The following CCSER2 variants were observed in gnomAD, a reference collection of about 807,000 sequenced individuals.
CCSER2 encodes the protein coiled-coil serine rich protein 2.
In CCSER2, 46 loss-of-function variants were observed where a neutral mutation model predicts 92.3. The observed-to-expected ratio is 0.50, with a 90% CI of 0.39 to 0.64. The LOEUF (loss-of-function observed/expected upper bound fraction) is 0.64. Among genes scored for constraint, CCSER2 ranks in the 30% least tolerant of loss-of-function variants. The pLI, the probability that CCSER2 is intolerant of heterozygous loss-of-function variation, is 0.00. For synonymous variants in CCSER2, 433 were observed against 431.4 expected (o/e 1.00, Z -0.04); for missense variants, 1,244 against 1,238.9 (o/e 1.00, Z -0.06).
intron 9 of CCSER2, among the ~76,000 whole-genome samples, chr10:84,502,655 GCCACCA>G (rs1848825278): frequency 6.6e-6 from 1 of 152,106 alleles, no homozygotes; most frequent in Non-Finnish European, 1.5e-5. Context: ...ACAGGCGTGA[GCCACCA>G]CGCTCGGCCT....
intron 9 of CCSER2, among the ~76,000 whole-genome samples, chr10:84,479,505 G>A (rs566046471): frequency 2.0e-5 from 3 of 152,282 alleles, no homozygotes; most frequent in African/African-American, 4.8e-5. Flanking sequence ...GAATCAACAG[G>A]AAATAAGAGG....
At chr10:84,407,275 T>G (rs1388286729) in intron 3 of CCSER2, among the ~76,000 whole-genome samples, 1 of 152,220 alleles carries the variant, frequency 6.6e-6, no homozygotes, top group East Asian at 1.9e-4. Flanking sequence ...TGGTTTTGCT[T>G]CCATTATTGT....
intron 3 of CCSER2, among the ~76,000 whole-genome samples, chr10:84,401,479 C>T (rs2133315562): frequency 6.6e-6 from 1 of 152,242 alleles, no homozygotes; most frequent in African/African-American, 2.4e-5. Context: ...AACTACTAAA[C>T]TTCACCCAAG....
At chr10:84,448,630 T>A (rs1215593315) in intron 6 of CCSER2, among the ~76,000 whole-genome samples, 1 of 152,230 alleles carries the variant, frequency 6.6e-6, no homozygotes, top group African/African-American at 2.4e-5. Context: ...CCATTTTAAG[T>A]GTACAGTTTG....
At chr10:84,443,922 C>T (rs1273986938) in intron 6 of CCSER2, among the ~76,000 whole-genome samples, 2 of 151,846 alleles carry the variant, frequency 1.3e-5, no homozygotes, top group African/African-American at 4.8e-5. Flanking sequence ...TGTTCTTACT[C>T]ATAAGTGGGA....
chr10:84,424,011 C>CCATGGCGG, intron 4 of CCSER2, among the ~76,000 whole-genome samples: 1 of 149,120 alleles, frequency 6.7e-6, no homozygotes, highest in Middle Eastern at 3.3e-3. Flanking sequence ...AAAAGACTCT[C>CCATGGCGG]CATGGCGGCT....
intron 3 of CCSER2, among the ~76,000 whole-genome samples, chr10:84,393,316 A>G (rs528081550): frequency 8.7e-4 from 132 of 152,298 alleles, no homozygotes; most frequent in African/African-American, 3.1e-3. Flanking sequence ...TCATGATTCT[A>G]TCAAAACTTC....
At chr10:84,454,149 C>T (rs929605986) in intron 6 of CCSER2, among the ~76,000 whole-genome samples, 5 of 152,128 alleles carry the variant, frequency 3.3e-5, no homozygotes, top group African/African-American at 4.8e-5. Context: ...GAGAAACTTG[C>T]GTTTCTTCTA....
intron 9 of CCSER2, among the ~76,000 whole-genome samples, chr10:84,494,564 A>G (rs1848343419): frequency 6.6e-6 from 1 of 152,004 alleles, no homozygotes. Context: ...AAATGCTTCT[A>G]TTTCCCCCTC....
chr10:84,351,709 A>G (rs1201251123), intron 1 of CCSER2, among the ~76,000 whole-genome samples: 2 of 152,206 alleles, frequency 1.3e-5, no homozygotes, highest in Admixed American at 1.3e-4. Flanking sequence ...AATTAGTTTA[A>G]TAAGAAAGGA....
intron 5 of CCSER2, among the ~76,000 whole-genome samples, chr10:84,437,710 GT>G (rs769780704): frequency 1.0e-3 from 129 of 126,820 alleles, no homozygotes; most frequent in South Asian, 3.4e-3. Flanking sequence ...TTTTAGAGTA[GT>G]TTTTTTTTTT....
chr10:84,495,174 G>GT (rs1848381116), intron 9 of CCSER2, among the ~76,000 whole-genome samples: 1 of 140,144 alleles, frequency 7.1e-6, no homozygotes, highest in Admixed American at 7.7e-5. Flanking sequence ...AGTTTGATAT[G>GT]GTTTTTTTTT....
intron 3 of CCSER2, among the ~76,000 whole-genome samples, chr10:84,414,830 G>C (rs183477670): frequency 1.3e-5 from 2 of 152,130 alleles, no homozygotes; most frequent in East Asian, 3.9e-4. Flanking sequence ...ATTTTTCAGA[G>C]GTTTTGTTCA....
At chr10:84,488,198 T>G (rs1847924652) in intron 9 of CCSER2, among the ~76,000 whole-genome samples, 1 of 152,198 alleles carries the variant, frequency 6.6e-6, no homozygotes, top group Admixed American at 6.5e-5. Context: ...GGTCTAAAAT[T>G]CTCTTTTTTT....
intron 1 of CCSER2, among the ~76,000 whole-genome samples, chr10:84,364,014 A>G (rs901124411): frequency 4.6e-5 from 7 of 152,234 alleles, no homozygotes; most frequent in East Asian, 1.9e-4. Flanking sequence ...TTGTAACACA[A>G]TGGTAAGGAA....
At chr10:84,413,718 G>T (rs1842763194) in intron 3 of CCSER2, among the ~76,000 whole-genome samples, 1 of 152,242 alleles carries the variant, frequency 6.6e-6, no homozygotes, top group South Asian at 2.1e-4. Context: ...CTGTCCTGAT[G>T]ATCTTTCTAA....
chr10:84,470,500 G>A (rs1418251935), intron 8 of CCSER2, 42 bp downstream of exon 8: 2 of 1,325,720 alleles, frequency 1.5e-6, no homozygotes, highest in Non-Finnish European at 2.0e-6. Context: ...TTCAAACTGG[G>A]TGAAATGTGT....
chr10:84,482,519 G>A (rs1847517883), intron 9 of CCSER2, among the ~76,000 whole-genome samples: 2 of 152,120 alleles, frequency 1.3e-5, no homozygotes, highest in African/African-American at 2.4e-5. Flanking sequence ...TTATTTTTAT[G>A]TATTTCCAAT....
chr10:84,364,112 C>T (rs918159892), intron 1 of CCSER2, among the ~76,000 whole-genome samples: 4 of 152,070 alleles, frequency 2.6e-5, no homozygotes, highest in Admixed American at 6.5e-5. Flanking sequence ...GTATGGGGCA[C>T]TTGAATGGAG....
Sources: allele counts gnomAD v4.1 joint callset (sites outside exome capture counted in the v4.1 genomes callset), GRCh38; gene constraint gnomAD v4.1.1; transcripts MANE v1.5; gene names NCBI Gene and HGNC (gene_info 2026-07-23, HGNC 2026-07-21).